The following ABITRAM variants were observed in gnomAD, a reference collection of about 807,000 sequenced individuals.
ABITRAM encodes the protein actin binding transcription modulator.
A neutral mutation model predicts 22.9 loss-of-function variants in ABITRAM; 19 were observed. The observed-to-expected ratio is 0.83, with a 90% confidence interval of 0.58 to 1.22. ABITRAM has a LOEUF of 1.22. Among genes scored for constraint, ABITRAM ranks in the 50% most tolerant of loss-of-function variants. The pLI is 0.00. For synonymous variants in ABITRAM, 70 were observed against 73.9 expected, an observed-to-expected ratio of 0.95 and a Z score of 0.27; for missense variants, 215 against 220.2, an observed-to-expected ratio of 0.98 and a Z score of 0.15.
At chr9:108,934,833 G>A (rs1352612911) in intron 1 of ABITRAM, among the ~76,000 whole-genome samples, 2 of 152,160 alleles carry the variant, frequency 1.3e-5, no homozygotes, top group Non-Finnish European at 2.9e-5. Context: ...TCTAAACGGA[G>A]GCCCCAAAGG....
rs753928831 is a variant in ABITRAM at position 108,934,462 on chromosome 9, G to T, written c.-25G>T. 15 of 1,580,872 alleles carry T rather than the reference G, an allele frequency of 9.5e-6. No individual in the cohort carries two copies. Among genetic ancestry groups the T allele is most frequent in the Non-Finnish European group, 1.1e-5 (13 of 1,165,396 alleles). On this transcript the variant is annotated 5_prime_UTR_variant, in exon 1 of 6. Coordinates refer to ENST00000322940, the MANE Select transcript of ABITRAM (RefSeq NM_017832.4). ...AGGAAGCGCTGGGGTCCCGGAGGGC[G>T]GGGGTGGCGGCGCCGGAGGTCGCCA...
At chr9:108,943,063 T>C (rs1371880552), downstream of ABITRAM, 6 of 1,590,344 alleles carry the variant, frequency 3.8e-6, no homozygotes, top group Non-Finnish European at 5.1e-6. Flanking sequence ...ACAAAAAGCA[T>C]GCAAATGATA....
intron 2 of ABITRAM, chr9:108,935,947 G>A (rs1040188767): frequency 1.9e-6 from 1 of 533,032 alleles, no homozygotes. Flanking sequence ...GCTACTTGAA[G>A]TGGCCAGTCT....
downstream of ABITRAM, chr9:108,942,953 T>A: frequency 6.2e-7 from 1 of 1,611,180 alleles, no homozygotes; most frequent in African/African-American, 1.3e-5. Flanking sequence ...ATAGAAAAAC[T>A]ACCTCACCTT....
chr9:108,934,717 G>A, intron 1 of ABITRAM, 152 bp downstream of exon 1: 1 of 767,444 alleles, frequency 1.3e-6, no homozygotes, highest in Non-Finnish European at 2.0e-6. Context: ...TAGCCCCAGG[G>A]AATGGCATTT....
At chr9:108,942,058 T>C (rs1830262246), downstream of ABITRAM, among the ~76,000 whole-genome samples, 2 of 152,214 alleles carry the variant, frequency 1.3e-5, no homozygotes, top group Admixed American at 1.3e-4. Context: ...TTTAAGTCTA[T>C]AAGATAGGCT....
At chr9:108,935,282 C>T (rs1287643916) in intron 1 of ABITRAM, among the ~76,000 whole-genome samples, 1 of 152,156 alleles carries the variant, frequency 6.6e-6, no homozygotes, top group African/African-American at 2.4e-5. Flanking sequence ...GCACCAACAT[C>T]AGGACAGTCC....
At chr9:108,936,687 G>C (rs1304885015) in intron 3 of ABITRAM, among the ~76,000 whole-genome samples, 1 of 152,122 alleles carries the variant, frequency 6.6e-6, no homozygotes, top group Non-Finnish European at 1.5e-5. Context: ...TGGAGGAGGG[G>C]GAAGGCAGGC....
At chr9:108,938,696 G>C (rs12335452) in intron 3 of ABITRAM, among the ~76,000 whole-genome samples, 11,434 of 141,804 alleles carry the variant, frequency 0.081, 1,202 homozygotes, top group African/African-American at 0.22. Context: ...ACAAAGGGGG[G>C]GGGGGGAAAG....
intron 3 of ABITRAM, chr9:108,950,404 A>T (rs972808360): frequency 3.7e-5 from 45 of 1,227,676 alleles, no homozygotes; most frequent in Non-Finnish European, 4.9e-5. Context: ...AAACCACCAA[A>T]GGAATGGTCT....
intron 1 of ABITRAM, among the ~76,000 whole-genome samples, chr9:108,934,908 A>G (rs1830152734): frequency 6.6e-6 from 1 of 152,206 alleles, no homozygotes; most frequent in Non-Finnish European, 1.5e-5. Flanking sequence ...TCACTCTCAC[A>G]GGGAGTAGCG....
Position 108,936,422 on chromosome 9 carries a change from T to C in ABITRAM, c.246T>C (p.Ser82=). ...GTAGCAGACTTCAGAACAAGGTCTC[T>C]GGGAAATTTAAGCGGGTATGTTCCT... ...TNCSRLQNKV[S]GKFKRGAQFL... Residue 82 remains serine, a synonymous_variant, in exon 3 of 6, where the codon TCT becomes TCC. Coordinates refer to ENST00000322940, the MANE Select transcript of ABITRAM (RefSeq NM_017832.4). 6.2e-7 allele frequency: 1 copy of C among 1,613,662 alleles called. No individual in the cohort carries two copies. The highest frequency in any genetic ancestry group is 1.1e-5 in the South Asian group (1 of 91,040).
chr9:108,947,115 C>CTTTT (rs34477684), intron 3 of ABITRAM, among the ~76,000 whole-genome samples: 1 of 136,272 alleles, frequency 7.3e-6, no homozygotes, highest in Non-Finnish European at 1.6e-5. Flanking sequence ...AAATTTCTTT[C>CTTTT]TTTTTTTTTT....
downstream of ABITRAM, among the ~76,000 whole-genome samples, chr9:108,945,648 G>GT (rs1395479742): frequency 2.7e-4 from 38 of 142,268 alleles, no homozygotes; most frequent in African/African-American, 1.0e-3. Flanking sequence ...TTTTTGTTTT[G>GT]TTTTTTTGTA....
At chr9:108,935,833 T>C in intron 2 of ABITRAM, 144 bp downstream of exon 2, 1 of 608,996 alleles carries the variant, frequency 1.6e-6, no homozygotes, top group East Asian at 2.8e-5. Context: ...AATGGTATTA[T>C]TATAGGAGTT....
At chr9:108,935,607 C>G in intron 1 of ABITRAM, 31 bp from the exon 2 acceptor site, 1 of 1,585,560 alleles carries the variant, frequency 6.3e-7, no homozygotes, top group Non-Finnish European at 8.7e-7. Context: ...ATATTGATTT[C>G]AGCCACCAAC....
At chr9:108,949,919 G>A (rs1830509472) in intron 3 of ABITRAM, among the ~76,000 whole-genome samples, 1 of 151,252 alleles carries the variant, frequency 6.6e-6, no homozygotes, top group South Asian at 2.1e-4. Flanking sequence ...AGCTACTCGG[G>A]AGGCTAAGGC....
At chr9:108,939,340 T>G in intron 4 of ABITRAM, 45 bp from the exon 5 acceptor site, 1 of 1,589,042 alleles carries the variant, frequency 6.3e-7, no homozygotes, top group Non-Finnish European at 8.5e-7. Flanking sequence ...GAAACAATTT[T>G]TTTTAACTAA....
rs370553203 is a variant in ABITRAM, at chr9:108,948,170, C to T, written c.262-2337C>T. On this transcript the variant is annotated intron_variant, in intron 3 of 3. Transcript: ENST00000374624. The stretch of plus-strand genomic sequence containing the variant: ...CCGAAATTAAAGTACTAGCATAAAA[C>T]GGAAACAAGGCATACCTCTAGTTGA... 14 of 1,609,126 alleles carry T rather than the reference C, an allele frequency of 8.7e-6. No homozygotes were observed. In the African/African-American group the frequency reaches 9.4e-5, roughly 11 times the overall value.
Sources: allele counts gnomAD v4.1 joint callset (sites outside exome capture counted in the v4.1 genomes callset), GRCh38; gene constraint gnomAD v4.1.1; transcripts MANE v1.5; gene names NCBI Gene and HGNC (gene_info 2026-07-23, HGNC 2026-07-21).